CFAP61: variants seen among roughly 807,000 people sequenced by gnomAD.
CFAP61 encodes cilia and flagella associated protein 61, also known as cilia- and flagella-associated protein 61.
Under a neutral mutation model 135.6 loss-of-function variants are expected in CFAP61, and 107 were observed. The ratio of observed to expected loss-of-function variants is 0.79; its 90% confidence interval spans 0.67 to 0.93. CFAP61 has a LOEUF of 0.93. Among genes scored for constraint, CFAP61 ranks in the 40% least tolerant of loss-of-function variants. The probability of loss-of-function intolerance (pLI) is 0.00; values close to 1 mark genes in which losing one functional copy is unlikely to be tolerated. For missense variants in CFAP61, 1,507 were observed against 1,556.2 expected (o/e 0.97, Z 0.53); for synonymous variants, 575 against 578.5 (o/e 0.99, Z 0.09).
intron 9 of CFAP61, among the ~76,000 whole-genome samples, chr20:20,144,167 C>A (rs2051662843): frequency 6.6e-6 from 1 of 152,152 alleles, no homozygotes. Context: ...ACTTGGCACC[C>A]ACCAAGATGA....
intron 8 of CFAP61, among the ~76,000 whole-genome samples, chr20:20,122,723 C>T (rs976771421): frequency 6.6e-6 from 1 of 152,178 alleles, no homozygotes; most frequent in Non-Finnish European, 1.5e-5. Flanking sequence ...CTGCTATAAA[C>T]ATGTATGTCC....
chr20:20,244,322 C>T (rs1045546712), intron 18 of CFAP61, among the ~76,000 whole-genome samples: 19 of 152,214 alleles, frequency 1.2e-4, no homozygotes, highest in Admixed American at 3.3e-4. Context: ...CCTGCCCCTG[C>T]GGCAAACTTC....
chr20:20,123,380 C>A (rs1332844245), intron 8 of CFAP61, among the ~76,000 whole-genome samples: 2 of 151,776 alleles, frequency 1.3e-5, no homozygotes, highest in South Asian at 4.2e-4. Context: ...CCAGTGTTAT[C>A]TTCTAGAATT....
At chr20:20,235,041 G>T (rs2049470852) in intron 18 of CFAP61, among the ~76,000 whole-genome samples, 1 of 152,106 alleles carries the variant, frequency 6.6e-6, no homozygotes, top group Admixed American at 6.5e-5. Flanking sequence ...TTCAAAGGCG[G>T]GAAGTGGCTG....
rs1483718671 is a variant in CFAP61, at chr20:20,277,459, G to A, written c.2796+1G>A. ...CAAGCCTTTCAGACTCCAGTGCTCT[G>A]TAAGTGGGTCCCTGCAAACCTCACT... On this transcript the variant is annotated splice_donor_variant, in intron 22 of 26. Transcript: ENST00000245957. LOFTEE classifies it high-confidence loss of function. The A allele has an allele frequency of 1.9e-6, 3 of 1,599,674 alleles. No individual in the cohort carries two copies. The highest frequency in any genetic ancestry group is 2.2e-5 in the South Asian group (2 of 89,600).
Position 20,169,209 on chromosome 20 carries a change from C to T in CFAP61, c.1246-112C>T. The T allele has an allele frequency of 5.1e-6, 5 of 978,018 alleles. No individual in the cohort carries two copies. The South Asian group carries it at 9.9e-5, about 19-fold the overall frequency. The allele number at this position is 978,018 out of a possible 1,614,324, so 60.6% of individuals were successfully genotyped here. A position where few individuals can be genotyped will look rare whatever the true frequency, so the allele number is the denominator to read the frequency against. On this transcript the variant is annotated intron_variant, in intron 12 of 26. Transcript: ENST00000245957. ...ATAGGAAAGGTAATTTGAATATCCT[C>T]TCCTTAATCAACACATTTTGCTTCT...
chr20:20,212,904 T>C (rs1569139505), intron 17 of CFAP61, among the ~76,000 whole-genome samples: 1 of 152,190 alleles, frequency 6.6e-6, no homozygotes, highest in Non-Finnish European at 1.5e-5. Flanking sequence ...CCCTGCCACA[T>C]AGCACTTGTG....
chr20:20,131,582 A>G (rs1033305872), intron 8 of CFAP61, among the ~76,000 whole-genome samples: 4 of 151,942 alleles, frequency 2.6e-5, no homozygotes, highest in African/African-American at 7.2e-5. Context: ...CAAAAAATCA[A>G]CTTTTGGCTT....
intron 17 of CFAP61, among the ~76,000 whole-genome samples, chr20:20,212,744 C>T (rs904214731): frequency 1.3e-5 from 2 of 152,280 alleles, no homozygotes; most frequent in East Asian, 1.9e-4. Flanking sequence ...CTGTTGAAAC[C>T]GCAAGCACAG....
At chr20:20,160,556 G>A (rs548806139) in intron 10 of CFAP61, among the ~76,000 whole-genome samples, 13 of 152,292 alleles carry the variant, frequency 8.5e-5, no homozygotes, top group Non-Finnish European at 1.9e-4. Flanking sequence ...CCATGTGGTT[G>A]TAGGCAGGCC....
chr20:20,265,316 C>G, intron 21 of CFAP61: 1 of 775,346 alleles, frequency 1.3e-6, no homozygotes, highest in South Asian at 1.4e-5. Flanking sequence ...ACTGCAAGGT[C>G]TTAAGGTGGA....
chr20:20,176,364 A>G (rs931610378), intron 13 of CFAP61, among the ~76,000 whole-genome samples: 3 of 151,884 alleles, frequency 2.0e-5, no homozygotes, highest in Non-Finnish European at 2.9e-5. Flanking sequence ...TATATACCCA[A>G]AGGAATATAA....
chr20:20,277,451 A>G lies in CFAP61; in HGVS notation c.2789A>G (p.Gln930Arg), dbSNP rs769154202. The G allele has an allele frequency of 3.1e-6, 5 of 1,606,588 alleles. No homozygotes were observed. In the Admixed American group the frequency reaches 5.0e-5, roughly 16 times the overall value. Reference protein sequence around the residue: ...FTTPTKPFRLQCSMFFSFCEK... With the variant: ...FTTPTKPFRLRCSMFFSFCEK... ...ACACCCACCAAGCCTTTCAGACTCCAGTGCTCTGTAAGTGGGTCCCTGCAA... is the reference window on the plus strand; with the variant it reads ...ACACCCACCAAGCCTTTCAGACTCCGGTGCTCTGTAAGTGGGTCCCTGCAA... The change falls in exon 22 of 27, where the codon CAG (glutamine) becomes CGG (arginine). Residue 930 changes from glutamine (Q) to arginine (R), a missense_variant. Physicochemically the swap from Gln to Arg is conservative, Grantham distance 43. Transcript: ENST00000245957.
intron 10 of CFAP61, among the ~76,000 whole-genome samples, chr20:20,163,355 C>T (rs181783295): frequency 6.6e-6 from 1 of 152,126 alleles, no homozygotes; most frequent in African/African-American, 2.4e-5. Flanking sequence ...TCCACCTCCC[C>T]ACGATAGTTA....
chr20:20,112,552 A>G (rs923096319), intron 8 of CFAP61, among the ~76,000 whole-genome samples: 5 of 151,972 alleles, frequency 3.3e-5, no homozygotes, highest in African/African-American at 1.2e-4. Flanking sequence ...GGCTTTCTGG[A>G]AAGTCAGGAA....
At position 20,186,521 on chromosome 20, in the gene CFAP61, G is replaced by A. The variant is rs557556720; in HGVS notation, c.1386-1409G>A. Among the ~76,000 whole-genome samples the A allele has an allele frequency of 2.0e-4, 30 of 152,098 alleles. No homozygotes were observed. In the South Asian group the frequency reaches 2.5e-3, roughly 13 times the overall value. Reference sequence around the variant, plus strand: ...TTGTGTGGACATATGTTTTTAATTCGCTTGAGTATTTTTCTAGTGCTTTTG... The same window carrying A: ...TTGTGTGGACATATGTTTTTAATTCACTTGAGTATTTTTCTAGTGCTTTTG... On this transcript the variant is annotated intron_variant, in intron 13 of 26. Coordinates refer to ENST00000245957, the MANE Select transcript of CFAP61 (RefSeq NM_015585.4).
At chr20:20,254,516 T>C (rs1390198736) in intron 20 of CFAP61, among the ~76,000 whole-genome samples, 1 of 152,016 alleles carries the variant, frequency 6.6e-6, no homozygotes, top group Non-Finnish European at 1.5e-5. Flanking sequence ...TCTTGCCCTT[T>C]TTACAACGGA....
At chr20:20,245,302 AAAAG>A (rs2050356550) in intron 18 of CFAP61, among the ~76,000 whole-genome samples, 2 of 152,346 alleles carry the variant, frequency 1.3e-5, no homozygotes, top group South Asian at 4.1e-4. Flanking sequence ...GGCAATTTAC[AAAAG>A]AAAGACGTTT....
chr20:20,085,923 C>G (rs6035546), intron 6 of CFAP61, among the ~76,000 whole-genome samples: 2 of 152,214 alleles, frequency 1.3e-5, no homozygotes, highest in East Asian at 1.9e-4. Context: ...TAGCAATGCC[C>G]TTTTGGCAGG....
Sources: allele counts gnomAD v4.1 joint callset (sites outside exome capture counted in the v4.1 genomes callset), GRCh38; gene constraint gnomAD v4.1.1; transcripts MANE v1.5; gene names NCBI Gene and HGNC (gene_info 2026-07-23, HGNC 2026-07-21).